MYLIP: variants seen among roughly 807,000 people sequenced by gnomAD.
The protein encoded by MYLIP is myosin regulatory light chain interacting protein.
A neutral mutation model predicts 45.8 loss-of-function variants in MYLIP; 26 were observed. The observed-to-expected ratio is 0.57, with a 90% CI of 0.42 to 0.79. MYLIP has a LOEUF of 0.79. Among genes scored for constraint, MYLIP ranks in the 30% least tolerant of loss-of-function variants. The probability of loss-of-function intolerance (pLI) is 0.00; values close to 1 mark genes in which losing one functional copy is unlikely to be tolerated. For missense variants in MYLIP, 494 were observed against 555.6 expected (o/e 0.89, Z 1.11); for synonymous variants, 213 against 218.1 (o/e 0.98, Z 0.21).
the MYLIP span, among the ~76,000 whole-genome samples, chr6:16,156,786 C>G: frequency 6.6e-6 from 1 of 152,288 alleles, no homozygotes; most frequent in African/African-American, 2.4e-5. Flanking sequence ...GACAATGCCA[C>G]CTGTTACCTA....
At chr6:16,141,902 T>C (rs1203638064) in intron 3 of MYLIP, 92 bp downstream of exon 3, 2 of 1,189,544 alleles carry the variant, frequency 1.7e-6, no homozygotes, top group East Asian at 2.6e-5. Context: ...ACACATAATA[T>C]GCAGTTTTAT....
At chr6:16,142,634 G>A (rs2113555279) in intron 3 of MYLIP, among the ~76,000 whole-genome samples, 1 of 152,336 alleles carries the variant, frequency 6.6e-6, no homozygotes, top group East Asian at 1.9e-4. Context: ...TGACTCCTGT[G>A]GTTTGTTGGC....
the MYLIP span, among the ~76,000 whole-genome samples, chr6:16,153,745 A>T: frequency 3.3e-5 from 5 of 152,184 alleles, no homozygotes; most frequent in African/African-American, 4.8e-5. Flanking sequence ...CTGTGTCTAA[A>T]CTTCTCAAAA....
the MYLIP span, among the ~76,000 whole-genome samples, chr6:16,162,268 T>C: frequency 1.1e-4 from 17 of 152,224 alleles, no homozygotes. Flanking sequence ...TATGTCTATA[T>C]GTTCAGGCTC....
chr6:16,161,346 G>T, the MYLIP span: 2 of 262,306 alleles, frequency 7.6e-6, no homozygotes, highest in South Asian at 4.5e-5. Flanking sequence ...TATCCTGATC[G>T]GCTGTGCCTT....
At chr6:16,143,296 G>T in intron 4 of MYLIP, 79 bp downstream of exon 4, 1 of 1,378,280 alleles carries the variant, frequency 7.3e-7, no homozygotes, top group South Asian at 1.2e-5. Context: ...AATAGGAAGG[G>T]ATTTACTCGA....
At chr6:16,161,685 A>G in the MYLIP span, among the ~76,000 whole-genome samples, 1 of 152,240 alleles carries the variant, frequency 6.6e-6, no homozygotes, top group Non-Finnish European at 1.5e-5. Flanking sequence ...AAATACTGTT[A>G]GAGTTTCATG....
chr6:16,158,829 C>T, the MYLIP span, among the ~76,000 whole-genome samples: 1 of 152,196 alleles, frequency 6.6e-6, no homozygotes, highest in Non-Finnish European at 1.5e-5. Flanking sequence ...GAGATCGCGC[C>T]ACTGCACTCC....
chr6:16,139,475 G>A (rs55828581), intron 2 of MYLIP, among the ~76,000 whole-genome samples: 2,268 of 152,128 alleles, frequency 0.015, 29 homozygotes, highest in Middle Eastern at 0.038. Context: ...GTCTTTCAGA[G>A]CGTAATTTCT....
downstream of MYLIP, among the ~76,000 whole-genome samples, chr6:16,151,323 C>T (rs1301634627): frequency 6.6e-6 from 1 of 150,720 alleles, no homozygotes; most frequent in East Asian, 1.9e-4. Flanking sequence ...CGCCACTGCA[C>T]TTTGGACTGG....
chr6:16,134,806 T>C (rs1445567051), intron 2 of MYLIP, among the ~76,000 whole-genome samples: 1 of 152,230 alleles, frequency 6.6e-6, no homozygotes, highest in Non-Finnish European at 1.5e-5. Flanking sequence ...AATTTTTTCT[T>C]TTGTTAAGGC....
chr6:16,153,443 T>C, the MYLIP span, among the ~76,000 whole-genome samples: 7 of 152,330 alleles, frequency 4.6e-5, no homozygotes, highest in Non-Finnish European at 1.0e-4. Context: ...GAATTTAACA[T>C]GACTGAGGAA....
At chr6:16,135,755 C>CTATATATATATA (rs10593630) in intron 2 of MYLIP, among the ~76,000 whole-genome samples, 3 of 125,260 alleles carry the variant, frequency 2.4e-5, no homozygotes, top group African/African-American at 6.4e-5. Flanking sequence ...ATACATATAT[C>CTATATATATATA]TATATATATA....
chr6:16,153,090 G>T (rs1405403882), downstream of MYLIP, among the ~76,000 whole-genome samples: 1 of 152,186 alleles, frequency 6.6e-6, no homozygotes, highest in Non-Finnish European at 1.5e-5. Context: ...TCTGTTCACT[G>T]CACTCTTTTC....
At chr6:16,155,967 C>A in the MYLIP span, among the ~76,000 whole-genome samples, 1 of 152,160 alleles carries the variant, frequency 6.6e-6, no homozygotes, top group African/African-American at 2.4e-5. Context: ...TCAGGTAGCA[C>A]GAACAAATTG....
intron 5 of MYLIP, among the ~76,000 whole-genome samples, chr6:16,144,318 GAGA>G (rs1397059343): frequency 6.6e-6 from 1 of 152,164 alleles, no homozygotes; most frequent in Non-Finnish European, 1.5e-5. Context: ...CACTGCTCAG[GAGA>G]AGGATAGCAC....
chr6:16,143,675 T>G (rs1759724942), intron 4 of MYLIP, 24 bp from the exon 5 acceptor site: 1 of 1,611,996 alleles, frequency 6.2e-7, no homozygotes, highest in Non-Finnish European at 8.5e-7. Flanking sequence ...TAGATCTGCT[T>G]TCTTTTCTCT....
chr6:16,143,298 T>A, intron 4 of MYLIP, 81 bp downstream of exon 4: 2 of 1,367,584 alleles, frequency 1.5e-6, no homozygotes, highest in Non-Finnish European at 2.1e-6. Context: ...TAGGAAGGGA[T>A]TTACTCGACA....
chr6:16,146,359 C>T (rs532153586), intron 6 of MYLIP, among the ~76,000 whole-genome samples: 2 of 152,378 alleles, frequency 1.3e-5, no homozygotes, highest in South Asian at 4.1e-4. Flanking sequence ...AGACCACATT[C>T]TGCACAGAAA....
Sources: gnomAD v4.1 joint callset for allele counts (sites outside exome capture counted in the v4.1 genomes callset) on GRCh38, gnomAD v4.1.1 for gene constraint, MANE v1.5 for transcripts, NCBI Gene and HGNC (gene_info 2026-07-23, HGNC 2026-07-21) for gene names.